Variants in TPM3 observed in about 807,000 individuals in gnomAD.
TPM3 encodes tropomyosin 3.
In TPM3, 16 loss-of-function variants were observed where a neutral mutation model predicts 43.1. That is an observed-to-expected ratio of 0.37 (90% CI 0.25 to 0.56). The LOEUF (loss-of-function observed/expected upper bound fraction) is 0.56. TPM3 is among the 20% of genes least tolerant of loss of function. The pLI, the probability that TPM3 is intolerant of heterozygous loss-of-function variation, is 0.77. For missense variants in TPM3, 176 were observed against 337.2 expected (o/e 0.52, Z 3.74); for synonymous variants, 101 against 116.9 (o/e 0.86, Z 0.88).
At chr1:154,158,380 T>A (rs1056898891), downstream of TPM3, among the ~76,000 whole-genome samples, 10 of 152,080 alleles carry the variant, frequency 6.6e-5, no homozygotes, top group African/African-American at 2.4e-4. Context: ...GACGCAAAAG[T>A]CAGAAAGAAA....
In TPM3 at chr1:154,166,874, G is replaced by A. The variant is rs1315536313; in HGVS notation, c.*1063C>T. On this transcript the variant is annotated 3_prime_UTR_variant, in exon 10 of 10. Transcript: ENST00000651641. ...ATTTTTGTATTTTTAGTAGAGACGG[G>A]GTTTCACCATGTTGGCCGAGCTGGT... Among the ~76,000 whole-genome samples, 2 of 152,070 alleles carry A rather than the reference G, an allele frequency of 1.3e-5. No individual in the cohort carries two copies. Among genetic ancestry groups the A allele is most frequent in the Non-Finnish European group, 2.9e-5 (2 of 68,020 alleles).
chr1:154,170,024 A>C, intron 8 of TPM3: 1 of 283,322 alleles, frequency 3.5e-6, no homozygotes, highest in South Asian at 3.9e-5. Context: ...GAGTGGCAAA[A>C]AGAACTGTGG....
chr1:154,168,404 T>A (rs965144214), intron 9 of TPM3, among the ~76,000 whole-genome samples: 2 of 152,218 alleles, frequency 1.3e-5, no homozygotes, highest in Non-Finnish European at 2.9e-5. Context: ...GTATCCCTTC[T>A]GAGAAGACTA....
Position 154,169,200 on chromosome 1 carries a change from T to A in TPM3, c.854+105A>T, listed in dbSNP as rs550637476. 5 of 1,161,886 alleles carry A rather than the reference T, an allele frequency of 4.3e-6. No individual in the cohort carries two copies. The South Asian group carries it at 6.2e-5, about 14-fold the overall frequency. 72.0% of individuals were successfully genotyped at this position (1,161,886 alleles called of 1,614,324 possible). The stretch of plus-strand genomic sequence containing the variant: ...ATGTTTCAAAGATAAGGGTGGAGAT[T>A]CTAGTTTCCAAAGGATAAAACCAAA... On this transcript the variant is annotated intron_variant, in intron 9 of 9. Transcript: ENST00000651641.
chr1:154,171,408 C>T lies in TPM3; in HGVS notation c.642+5G>A. 6.2e-7 allele frequency: 1 copy of T among 1,614,130 alleles called. No homozygotes were observed. The highest frequency in any genetic ancestry group is 8.5e-7 in the Non-Finnish European group (1 of 1,179,964). ...AGCCTGTCACTTTCACAAACCAGCC[C>T]CTACCTTCTCCGCCTGAGCCTCAAG... On this transcript the variant is annotated splice_donor_5th_base_variant and intron_variant, in intron 6 of 9. Transcript: ENST00000651641.
intron 2 of TPM3, among the ~76,000 whole-genome samples, chr1:154,181,885 C>A (rs1271814180): frequency 6.6e-6 from 1 of 152,162 alleles, no homozygotes; most frequent in Non-Finnish European, 1.5e-5. Flanking sequence ...CATGCCATTG[C>A]ACTCCAGCCT....
chr1:154,168,069 C>CGAAG, intron 9 of TPM3, 129 bp from the exon 10 acceptor site: 2 of 1,349,902 alleles, frequency 1.5e-6, no homozygotes, highest in Non-Finnish European at 2.1e-6. Flanking sequence ...CCAGACACTT[C>CGAAG]AGCCTGAGAA....
chr1:154,174,293 C>CCACTG (rs1226723308), intron 3 of TPM3, among the ~76,000 whole-genome samples: 2 of 146,890 alleles, frequency 1.4e-5, no homozygotes, highest in African/African-American at 5.0e-5. Context: ...CGAGATTGTG[C>CCACTG]CACTGCACTC....
intron 6 of TPM3, chr1:154,171,004 A>G (rs1661514541): frequency 1.9e-6 from 1 of 528,310 alleles, no homozygotes; most frequent in Non-Finnish European, 3.4e-6. Context: ...CTGCTTGATG[A>G]GCAAGAGTAG....
intron 2 of TPM3, among the ~76,000 whole-genome samples, chr1:154,177,409 A>G (rs1367833449): frequency 6.6e-6 from 1 of 152,126 alleles, no homozygotes; most frequent in African/African-American, 2.4e-5. Context: ...TATATAGGTT[A>G]GAGTCCAAGT....
intron 2 of TPM3, among the ~76,000 whole-genome samples, chr1:154,185,783 A>C (rs1663390989): frequency 6.6e-6 from 1 of 151,382 alleles, no homozygotes; most frequent in Admixed American, 6.6e-5. Context: ...TTCTGGAAGC[A>C]CAATAGTAAA....
intron 2 of TPM3, among the ~76,000 whole-genome samples, chr1:154,184,682 C>T (rs1663321294): frequency 1.3e-5 from 2 of 152,002 alleles, no homozygotes; most frequent in African/African-American, 4.8e-5. Context: ...GGGAGGCCAA[C>T]GCGAGAAGAT....
At chr1:154,170,136 C>T (rs1257582378) in intron 8 of TPM3, 1 of 476,696 alleles carries the variant, frequency 2.1e-6, no homozygotes, top group East Asian at 4.0e-5. Flanking sequence ...GAGGTAAATG[C>T]AGCCATTATC....
chr1:154,176,027 C>T (rs1385559269), intron 3 of TPM3, 88 bp downstream of exon 3: 1 of 1,598,784 alleles, frequency 6.3e-7, no homozygotes, highest in Non-Finnish European at 8.5e-7. Context: ...GCCAGAATTG[C>T]TATTTAGAAA....
At chr1:154,172,096 C>T (rs761854286) in intron 5 of TPM3, 9 of 1,614,016 alleles carry the variant, frequency 5.6e-6, no homozygotes, top group East Asian at 4.5e-5. Context: ...ATCCATCTCT[C>T]GGCAACGGCT....
At chr1:154,172,563 C>T (rs1344578618) in intron 5 of TPM3, 1 of 457,838 alleles carries the variant, frequency 2.2e-6, no homozygotes, top group Non-Finnish European at 4.2e-6. Flanking sequence ...CAGCCAGACA[C>T]TAGATCTTAA....
At chr1:154,160,123 AG>A (rs1241022036), downstream of TPM3, among the ~76,000 whole-genome samples, 1 of 151,766 alleles carries the variant, frequency 6.6e-6, no homozygotes, top group Non-Finnish European at 1.5e-5. Flanking sequence ...TTAAAGAGAT[AG>A]TGGGATATGG....
downstream of TPM3, among the ~76,000 whole-genome samples, chr1:154,161,480 G>T (rs138886836): frequency 6.3e-3 from 915 of 144,300 alleles, 12 homozygotes; most frequent in African/African-American, 0.022. Flanking sequence ...TTGTTGCCCA[G>T]GTTGGAGTGC....
chr1:154,177,768 A>G (rs1186822019), intron 2 of TPM3, among the ~76,000 whole-genome samples: 1 of 151,856 alleles, frequency 6.6e-6, no homozygotes, highest in East Asian at 1.9e-4. Flanking sequence ...AGACCAAAAG[A>G]CTCCTTTTTA....
Sources: gnomAD v4.1 joint callset for allele counts (sites outside exome capture counted in the v4.1 genomes callset) on GRCh38, gnomAD v4.1.1 for gene constraint, MANE v1.5 for transcripts, NCBI Gene and HGNC (gene_info 2026-07-23, HGNC 2026-07-21) for gene names.